The following CAVIN1 variants were observed in gnomAD, a reference collection of about 807,000 sequenced individuals.
CAVIN1 encodes caveolae associated protein 1, also known as caveolae-associated protein 1.
Under a neutral mutation model 24.0 loss-of-function variants are expected in CAVIN1, and 16 were observed. That is an observed-to-expected ratio of 0.67 (90% CI 0.45 to 1.01). The LOEUF (loss-of-function observed/expected upper bound fraction) is 1.01, where lower values mean the gene tolerates loss of function less well. Among genes scored for constraint, CAVIN1 ranks in the 50% least tolerant of loss-of-function variants. The pLI is 0.00. For synonymous variants in CAVIN1, 256 were observed against 256.4 expected (o/e 1.00, Z 0.02); for missense variants, 510 against 551.7 (o/e 0.92, Z 0.76).
chr17:42,420,986 C>G (rs2085541568), intron 1 of CAVIN1, among the ~76,000 whole-genome samples: 1 of 152,058 alleles, frequency 6.6e-6, no homozygotes. Context: ...GTCAAAAGCC[C>G]CCCTCTCATC....
At position 42,422,974 on chromosome 17, in the gene CAVIN1, C is replaced by T. The variant is rs2085565760; in HGVS notation, c.124G>A (p.Glu42Lys). 1.2e-6 allele frequency: 2 copies of T among 1,613,826 alleles called. No homozygotes were observed. Among genetic ancestry groups the T allele is most frequent in the Non-Finnish European group, 1.7e-6 (2 of 1,179,980 alleles). ...AEEPSGAGSE[E>K]LIKSDQVNGV... ...TTCACCTGGTCCGACTTGATCAGCT[C>T]TTCTGAGCCGGCCCCCGACGGCTCC... The change falls in exon 1 of 2, where the codon GAG (glutamate) becomes AAG (lysine). Residue 42 changes from glutamate (E) to lysine (K), a missense_variant. By Grantham distance (56) the Glu-to-Lys change is moderately conservative (BLOSUM62 1). Transcript: ENST00000357037.
chr17:42,416,324 C>T (rs1339952317), intron 1 of CAVIN1, among the ~76,000 whole-genome samples: 1 of 151,716 alleles, frequency 6.6e-6, no homozygotes, highest in Non-Finnish European at 1.5e-5. Context: ...GCTGAGATCA[C>T]GCTACTGCAC....
In CAVIN1 at chr17:42,409,870, T is replaced by G. The variant is rs1232471320; in HGVS notation, c.472-4482A>C. Among the ~76,000 whole-genome samples the G allele has an allele frequency of 2.0e-5, 3 of 152,196 alleles. 1 individual carries two copies. In the East Asian group the frequency reaches 5.8e-4, roughly 29 times the overall value. On this transcript the variant is annotated intron_variant, in intron 1 of 1. Coordinates refer to ENST00000357037, the MANE Select transcript of CAVIN1 (RefSeq NM_012232.6). The stretch of plus-strand genomic sequence containing the variant: ...TGCTTGTTCTGTTTCTCGTTTTTAT[T>G]AAACAAAACCACCACTCCCAATAGG...
rs1249887736 is a variant in CAVIN1 at position 42,423,247 on chromosome 17, G to T, written c.-150C>A. ...CCACGTCCGTGCGCACCGGGACAGC[G>T]GCCAGAACTGCTGGGCGGGGGATCG... On this transcript the variant is annotated 5_prime_UTR_variant, in exon 1 of 2. Coordinates refer to ENST00000357037, the MANE Select transcript of CAVIN1 (RefSeq NM_012232.6). 1.5e-6 allele frequency: 1 copy of T among 655,712 alleles called. No homozygotes were observed. Among genetic ancestry groups the T allele is most frequent in the African/African-American group, 1.8e-5 (1 of 54,764 alleles). 40.6% of individuals were successfully genotyped at this position (655,712 alleles called of 1,614,324 possible).
intron 1 of CAVIN1, among the ~76,000 whole-genome samples, chr17:42,417,380 C>T (rs2085518205): frequency 6.7e-6 from 1 of 149,662 alleles, no homozygotes; most frequent in Non-Finnish European, 1.5e-5. Context: ...TTGTTTGAAC[C>T]TGGGAGGCAG....
Position 42,404,923 on chromosome 17 carries a change from TC to T in CAVIN1, c.936del (p.Thr313ProfsTer106). ...AAGGGTGGCACCTTGTAGACCGCGG[TC>T]TTGGAGCGCGCGTACACCACGTGGT... is the stretch of plus-strand genomic sequence containing the variant. ...TPDHVVYARS[K>X]TAVYKVPPFT... On this transcript the variant is annotated frameshift_variant, in exon 2 of 2. Coordinates refer to ENST00000357037, the MANE Select transcript of CAVIN1 (RefSeq NM_012232.6). LOFTEE classifies it high-confidence loss of function. The T allele has an allele frequency of 6.2e-7, 1 of 1,613,992 alleles. No individual in the cohort carries two copies. The highest frequency in any genetic ancestry group is 8.5e-7 in the Non-Finnish European group (1 of 1,179,954).
At chr17:42,414,859 G>T (rs2085502283) in intron 1 of CAVIN1, among the ~76,000 whole-genome samples, 1 of 151,992 alleles carries the variant, frequency 6.6e-6, no homozygotes, top group Admixed American at 6.6e-5. Context: ...TATGTGTGGA[G>T]TCCCTGCCAG....
chr17:42,419,882 C>CGTGTGTGT (rs5820458), intron 1 of CAVIN1, among the ~76,000 whole-genome samples: 6,818 of 143,678 alleles, frequency 0.047, 212 homozygotes, highest in African/African-American at 0.071. Flanking sequence ...TGCTGAATTT[C>CGTGTGTGT]GTGTGTGTGT....
At chr17:42,405,485 T>C in intron 1 of CAVIN1, 97 bp from the exon 2 acceptor site, 2 of 1,303,460 alleles carry the variant, frequency 1.5e-6, no homozygotes, top group Non-Finnish European at 2.2e-6. Flanking sequence ...GAGGGGAGCA[T>C]GGGACGCTCG....
intron 1 of CAVIN1, 48 bp from the exon 2 acceptor site, chr17:42,405,436 G>A: frequency 1.3e-6 from 2 of 1,585,522 alleles, no homozygotes; most frequent in Non-Finnish European, 1.7e-6. Flanking sequence ...GGAGGCGGAT[G>A]TGGGCGAGCC....
In CAVIN1 at chr17:42,422,891, C is replaced by T; in HGVS notation, c.207G>A (p.Gln69=). The change falls in exon 1 of 2, where the codon CAG becomes CAA. Residue 69 remains glutamine (Q), a synonymous_variant. Transcript: ENST00000357037. The part of the protein sequence containing the change: ...DKIIGAVDQI[Q]LTQAQLEERQ... ...GCTCCTCCAGCTGTGCTTGAGTCAGCTGGATCTGGTCTACGGCCCCGATGA... is the reference window on the plus strand; with the variant it reads ...GCTCCTCCAGCTGTGCTTGAGTCAGTTGGATCTGGTCTACGGCCCCGATGA... 1 of 1,614,148 alleles carries T rather than the reference C, an allele frequency of 6.2e-7. No individual in the cohort carries two copies. The highest frequency in any genetic ancestry group is 8.5e-7 in the Non-Finnish European group (1 of 1,180,028).
At chr17:42,422,121 C>T (rs2085552060) in intron 1 of CAVIN1, among the ~76,000 whole-genome samples, 2 of 152,156 alleles carry the variant, frequency 1.3e-5, no homozygotes, top group African/African-American at 4.8e-5. Flanking sequence ...CCCGCTGGTG[C>T]GTGCCTGAGC....
Position 42,412,560 on chromosome 17 carries a change from A to AT in CAVIN1, c.472-7173dup, listed in dbSNP as rs60982549. 5.8e-3 allele frequency among the ~76,000 whole-genome samples: 725 copies of AT among 125,694 alleles called. 10 individuals carry two copies. The highest frequency in any genetic ancestry group is 0.01 in the Admixed American group (120 of 11,454). 82.5% of individuals were successfully genotyped at this position (125,694 alleles called of 152,430 possible). On this transcript the variant is annotated intron_variant, in intron 1 of 1. Coordinates refer to ENST00000357037, the MANE Select transcript of CAVIN1 (RefSeq NM_012232.6). ...AGTTGTGTACCATCAAACCCGGCTA[A>AT]TTTTTTTTTTTTTTTTGATAGAGAC...
chr17:42,413,918 C>T (rs1289966284), intron 1 of CAVIN1, among the ~76,000 whole-genome samples: 1 of 152,028 alleles, frequency 6.6e-6, no homozygotes, highest in Non-Finnish European at 1.5e-5. Context: ...TTTTTTTAGA[C>T]GGAGTCTTGC....
intron 1 of CAVIN1, among the ~76,000 whole-genome samples, chr17:42,411,211 T>TAAAAAAAAAAAAAAAAAAAAAAA (rs1468503843): frequency 4.8e-4 from 22 of 45,864 alleles, no homozygotes; most frequent in African/African-American, 7.3e-4. Flanking sequence ...AAAAAAAAAC[T>TAAAAAAAAAAAAAAAAAAAAAAA]AAAAGGTCTG....
At chr17:42,410,092 G>C (rs1319473821) in intron 1 of CAVIN1, among the ~76,000 whole-genome samples, 1 of 152,128 alleles carries the variant, frequency 6.6e-6, no homozygotes, top group Admixed American at 6.6e-5. Flanking sequence ...ATTTTTATAA[G>C]ATTATAATGT....
chr17:42,422,576 G>C, intron 1 of CAVIN1, 51 bp downstream of exon 1: 5 of 1,447,644 alleles, frequency 3.5e-6, no homozygotes, highest in Non-Finnish European at 4.7e-6. Flanking sequence ...CCAGGCAGGG[G>C]ACGCGGGCCG....
At chr17:42,413,404 A>G (rs2085491788) in intron 1 of CAVIN1, among the ~76,000 whole-genome samples, 1 of 151,774 alleles carries the variant, frequency 6.6e-6, no homozygotes, top group Non-Finnish European at 1.5e-5. Context: ...TCTGCAAAAA[A>G]TACTGTTAGT....
chr17:42,420,267 C>A (rs572922688), intron 1 of CAVIN1, among the ~76,000 whole-genome samples: 1 of 152,336 alleles, frequency 6.6e-6, no homozygotes, highest in South Asian at 2.1e-4. Flanking sequence ...GCTGCTGCCC[C>A]CAATCTTCCC....
Sources: gnomAD v4.1 joint callset for allele counts (sites outside exome capture counted in the v4.1 genomes callset) on GRCh38, gnomAD v4.1.1 for gene constraint, MANE v1.5 for transcripts, NCBI Gene and HGNC (gene_info 2026-07-23, HGNC 2026-07-21) for gene names.